Variants in GPHN observed in about 807,000 individuals in gnomAD.
GPHN encodes gephyrin.
A neutral mutation model predicts 95.5 loss-of-function variants in GPHN; 17 were observed. The observed-to-expected ratio is 0.18, with a 90% CI of 0.12 to 0.27. The LOEUF (loss-of-function observed/expected upper bound fraction) is 0.27. Among genes scored for constraint, GPHN ranks in the 10% least tolerant of loss-of-function variants. The probability of loss-of-function intolerance (pLI) is 1.00; values close to 1 mark genes in which losing one functional copy is unlikely to be tolerated. For synonymous variants in GPHN, 320 were observed against 322.5 expected (o/e 0.99, Z 0.08); for missense variants, 660 against 978.1 (o/e 0.67, Z 4.34).
chr14:67,092,287 C>G (rs922691903), intron 12 of GPHN, among the ~76,000 whole-genome samples: 1 of 151,996 alleles, frequency 6.6e-6, no homozygotes, highest in African/African-American at 2.4e-5. Context: ...AATACCACCC[C>G]CAGGCAGTGT....
the GPHN span, among the ~76,000 whole-genome samples, chr14:67,419,013 A>C: frequency 6.6e-6 from 1 of 152,016 alleles, no homozygotes; most frequent in South Asian, 2.1e-4. Context: ...GGAAGGAGAA[A>C]TGCCCCTTGG....
At chr14:66,582,562 G>A (rs1314090992) in intron 1 of GPHN, among the ~76,000 whole-genome samples, 1 of 151,268 alleles carries the variant, frequency 6.6e-6, no homozygotes, top group Admixed American at 6.6e-5. Context: ...AGTCCCCAGT[G>A]TGTGATGTTC....
intron 1 of GPHN, among the ~76,000 whole-genome samples, chr14:66,622,514 C>A (rs1376479759): frequency 1.3e-5 from 2 of 152,182 alleles, no homozygotes; most frequent in Non-Finnish European, 2.9e-5. Flanking sequence ...ATTTTCTTTT[C>A]TTTCGCATTG....
intron 5 of GPHN, among the ~76,000 whole-genome samples, chr14:66,891,726 C>T (rs939444471): frequency 2.0e-5 from 3 of 151,870 alleles, no homozygotes; most frequent in Admixed American, 6.6e-5. Flanking sequence ...TTCACAATCA[C>T]ATATCTGGCA....
intron 11 of GPHN, among the ~76,000 whole-genome samples, chr14:67,087,785 C>T (rs933419736): frequency 2.0e-5 from 3 of 152,166 alleles, no homozygotes; most frequent in African/African-American, 7.2e-5. Context: ...GCTCCGGAAA[C>T]AATGAAATTT....
chr14:66,554,053 T>G (rs1458182988), intron 1 of GPHN, among the ~76,000 whole-genome samples: 3 of 152,238 alleles, frequency 2.0e-5, no homozygotes, highest in Non-Finnish European at 4.4e-5. Context: ...TATGAAATGA[T>G]TCTAGATACA....
At chr14:66,536,397 T>G (rs1418795128) in intron 1 of GPHN, among the ~76,000 whole-genome samples, 3 of 152,234 alleles carry the variant, frequency 2.0e-5, no homozygotes, top group African/African-American at 7.2e-5. Context: ...TTTATACTCC[T>G]AGGATAAACG....
chr14:66,952,359 T>C (rs2068160411), intron 8 of GPHN, among the ~76,000 whole-genome samples: 6 of 150,126 alleles, frequency 4.0e-5, no homozygotes. Context: ...TTGTAGCATG[T>C]ATCAGTACTC....
intron 10 of GPHN, among the ~76,000 whole-genome samples, chr14:67,043,871 G>T (rs1214403870): frequency 6.6e-6 from 1 of 152,080 alleles, no homozygotes; most frequent in Admixed American, 6.6e-5. Flanking sequence ...TTTTTGGTTG[G>T]TAGGCTATTA....
chr14:66,698,557 A>G (rs1030770935), intron 2 of GPHN, among the ~76,000 whole-genome samples: 1 of 152,242 alleles, frequency 6.6e-6, no homozygotes, highest in African/African-American at 2.4e-5. Flanking sequence ...CTATTTTAAA[A>G]GAAATATTTT....
chr14:66,833,809 A>G (rs925510115), intron 4 of GPHN, among the ~76,000 whole-genome samples: 2 of 152,178 alleles, frequency 1.3e-5, no homozygotes, highest in Non-Finnish European at 2.9e-5. Context: ...TATTTCCCTT[A>G]GAATCAAGAA....
intron 2 of GPHN, among the ~76,000 whole-genome samples, chr14:66,763,220 ATCTTTTTTTTTTTT>A (rs1159420309): frequency 1.9e-5 from 2 of 105,094 alleles, no homozygotes; most frequent in Admixed American, 9.7e-5. Flanking sequence ...TTTTTTTTTA[ATCTTTTTTTTTTTT>A]TCTTTTTTTA....
At chr14:66,590,036 G>A (rs1022573472) in intron 1 of GPHN, among the ~76,000 whole-genome samples, 13 of 152,196 alleles carry the variant, frequency 8.5e-5, no homozygotes, top group South Asian at 2.1e-4. Context: ...TCAAAACCGC[G>A]TAACTACGTG....
intron 16 of GPHN, among the ~76,000 whole-genome samples, chr14:67,117,682 G>A (rs2078771475): frequency 1.3e-5 from 2 of 151,982 alleles, no homozygotes; most frequent in Admixed American, 6.6e-5. Context: ...CAGATAGGAT[G>A]GCCAGTTTCA....
chr14:67,087,538 T>C (rs1290242748), intron 11 of GPHN, among the ~76,000 whole-genome samples: 2 of 152,156 alleles, frequency 1.3e-5, no homozygotes, highest in Non-Finnish European at 2.9e-5. Context: ...TTCAACATCC[T>C]AGGAGTATCT....
the GPHN span, among the ~76,000 whole-genome samples, chr14:67,683,852 A>G: frequency 6.6e-6 from 1 of 152,196 alleles, no homozygotes; most frequent in East Asian, 1.9e-4. Flanking sequence ...TGCTTAAGCT[A>G]GACAAAGTCC....
At chr14:67,083,772 G>A (rs190220986) in intron 11 of GPHN, among the ~76,000 whole-genome samples, 91 of 152,248 alleles carry the variant, frequency 6.0e-4, no homozygotes, top group Admixed American at 1.5e-3. Flanking sequence ...CCATATGCAT[G>A]GAGGTGAGCA....
chr14:67,642,036 A>C, the GPHN span: 1 of 783,312 alleles, frequency 1.3e-6, no homozygotes, highest in Non-Finnish European at 2.0e-6. Context: ...GATCGAGATA[A>C]TCTTCCCACA....
At chr14:66,856,311 G>A (rs1001618140) in intron 4 of GPHN, among the ~76,000 whole-genome samples, 1 of 152,056 alleles carries the variant, frequency 6.6e-6, no homozygotes, top group Non-Finnish European at 1.5e-5. Context: ...ATATTTCCAG[G>A]TAAAAATAAA....
Sources: allele counts gnomAD v4.1 joint callset (sites outside exome capture counted in the v4.1 genomes callset), GRCh38; gene constraint gnomAD v4.1.1; transcripts MANE v1.5; gene names NCBI Gene and HGNC (gene_info 2026-07-23, HGNC 2026-07-21).